The following FAT4 variants were observed in gnomAD, a reference collection of about 807,000 sequenced individuals.
The protein encoded by FAT4 is protocadherin Fat 4.
Under a neutral mutation model 303.9 loss-of-function variants are expected in FAT4, and 84 were observed. That is an observed-to-expected ratio of 0.28 (90% CI 0.23 to 0.33). The LOEUF (loss-of-function observed/expected upper bound fraction) is 0.33, where lower values mean the gene tolerates loss of function less well. FAT4 is among the 10% of genes least tolerant of loss of function. FAT4 has a pLI of 1.00. For missense variants in FAT4, 6,005 were observed against 6,146.8 expected (o/e 0.98, Z 0.77); for synonymous variants, 2,307 against 2,298.8 (o/e 1.00, Z -0.10).
At chr4:125,381,070 C>G (rs1733522166) in intron 2 of FAT4, among the ~76,000 whole-genome samples, 1 of 152,118 alleles carries the variant, frequency 6.6e-6, no homozygotes, top group South Asian at 2.1e-4. Context: ...CTCTAAGCAA[C>G]TGAAATAAAT....
intron 11 of FAT4, among the ~76,000 whole-genome samples, chr4:125,465,554 T>C (rs1726631874): frequency 1.3e-5 from 2 of 152,118 alleles, no homozygotes; most frequent in South Asian, 2.1e-4. Flanking sequence ...AGTTGCAAAT[T>C]TGGGGATTTA....
chr4:125,433,865 T>A (rs2126043640), intron 7 of FAT4, among the ~76,000 whole-genome samples: 1 of 152,312 alleles, frequency 6.6e-6, no homozygotes, highest in South Asian at 2.1e-4. Context: ...GGCCAGCTCT[T>A]CCATGCCTGT....
intron 2 of FAT4, among the ~76,000 whole-genome samples, chr4:125,360,134 C>G (rs1242608039): frequency 6.6e-6 from 1 of 152,128 alleles, no homozygotes; most frequent in African/African-American, 2.4e-5. Context: ...AATCAGGTCT[C>G]TGACATTCTA....
intron 3 of FAT4, among the ~76,000 whole-genome samples, chr4:125,405,590 A>G (rs1024198051): frequency 6.6e-6 from 1 of 151,468 alleles, no homozygotes; most frequent in Non-Finnish European, 1.5e-5. Flanking sequence ...GGCTCACTGC[A>G]AGCTCTGCCT....
At chr4:125,456,810 A>G (rs1034533836) in intron 10 of FAT4, among the ~76,000 whole-genome samples, 8 of 152,190 alleles carry the variant, frequency 5.3e-5, no homozygotes, top group African/African-American at 1.9e-4. Flanking sequence ...CAAAATTTAC[A>G]CATAACTGTA....
At chr4:125,471,023 T>C in intron 12 of FAT4, among the ~76,000 whole-genome samples, 1 of 152,210 alleles carries the variant, frequency 6.6e-6, no homozygotes, top group East Asian at 1.9e-4. Context: ...GTAGGGTTAT[T>C]CGTTGGCATA....
At chr4:125,331,177 C>T (rs1374080828) in intron 2 of FAT4, among the ~76,000 whole-genome samples, 1 of 152,108 alleles carries the variant, frequency 6.6e-6, no homozygotes, top group Non-Finnish European at 1.5e-5. Flanking sequence ...GTGTGCCTTC[C>T]CTTTAGAATA....
In FAT4 at chr4:125,434,426, G is replaced by T; in HGVS notation, c.7199+1G>T. 1 of 1,613,452 alleles carries T rather than the reference G, an allele frequency of 6.2e-7. No homozygotes were observed. Among genetic ancestry groups the T allele is most frequent in the Non-Finnish European group, 8.5e-7 (1 of 1,179,734 alleles). On this transcript the variant is annotated splice_donor_variant, in intron 8 of 17. Transcript: ENST00000394329. LOFTEE classifies it high-confidence loss of function. ...ATGCTTCAAAGAATGCAGTTATAAG[G>T]TCAGTACATTTTCCTTTGTAAAGTT...
In FAT4 at chr4:125,321,412, T is replaced by C. The variant is rs1221873531; in HGVS notation, c.5001T>C (p.Ile1667=). The C allele has an allele frequency of 1.2e-6, 2 of 1,614,030 alleles. No homozygotes were observed. The highest frequency in any genetic ancestry group is 2.2e-5 in the East Asian group (1 of 44,884). ...RGSEAPVEYY[I]VSVRCEEKTV... is the part of the protein sequence containing the mutation. ...CTGAGGCCCCAGTGGAGTATTATAT[T>C]GTTTCAGTTCGTTGTGAAGAAAAAA... is the stretch of plus-strand genomic sequence containing the variant. The change falls in exon 2 of 18, where the codon ATT becomes ATC. Residue 1667 remains isoleucine, a synonymous_variant. Transcript: ENST00000394329.
rs536367582 is a variant in FAT4, at chr4:125,432,810, T to A, written c.7019-1435T>A. On this transcript the variant is annotated intron_variant, in intron 7 of 17. Coordinates refer to ENST00000394329, the MANE Select transcript of FAT4 (RefSeq NM_001291303.3). ...TTTAAATGAAACACTTAATATAAAATATCTTATGATATATATATATATATG... is the reference window on the plus strand; with the variant it reads ...TTTAAATGAAACACTTAATATAAAAAATCTTATGATATATATATATATATG... Among the ~76,000 whole-genome samples, 30 of 18,216 alleles carry A rather than the reference T, an allele frequency of 1.6e-3. No homozygotes were observed. The East Asian group carries it at 0.045, about 27-fold the overall frequency. The allele number at this position is 18,216 out of a possible 152,430, so 12.0% of individuals were successfully genotyped here. A position where few individuals can be genotyped will look rare whatever the true frequency, so the allele number is the denominator to read the frequency against.
intron 2 of FAT4, among the ~76,000 whole-genome samples, chr4:125,326,516 A>G (rs7662295): frequency 0.51 from 76,743 of 151,822 alleles, 20,204 homozygotes; most frequent in Non-Finnish European, 0.59. Context: ...TTTTGTAGCT[A>G]TGGAAACTGA....
At chr4:125,434,517 G>T in intron 8 of FAT4, 92 bp downstream of exon 8, 1 of 1,129,392 alleles carries the variant, frequency 8.9e-7, no homozygotes, top group Non-Finnish European at 1.3e-6. Flanking sequence ...TTAAATGAAC[G>T]TCATATTAAC....
At position 125,318,567 on chromosome 4, in the gene FAT4, G is replaced by A; in HGVS notation, c.2156G>A (p.Gly719Asp). The stretch of plus-strand genomic sequence containing the variant: ...GTGTCTGCCACTGACCCAGACTTGG[G>A]TACCAATGGTACTGTCAAATATAGC... Reference protein sequence around the residue: ...TTVSATDPDLGTNGTVKYSIS... With the variant: ...TTVSATDPDLDTNGTVKYSIS... The change falls in exon 2 of 18, where the codon GGT becomes GAT. Residue 719 changes from glycine (G) to aspartate (D), a missense_variant. Physicochemically the swap from Gly to Asp is moderately conservative, Grantham distance 94. Transcript: ENST00000394329. 1 of 1,614,164 alleles carries A rather than the reference G, an allele frequency of 6.2e-7. No individual in the cohort carries two copies. Among genetic ancestry groups the A allele is most frequent in the Non-Finnish European group, 8.5e-7 (1 of 1,180,026 alleles).
At chr4:125,338,926 G>C (rs376991008) in intron 2 of FAT4, among the ~76,000 whole-genome samples, 2 of 151,904 alleles carry the variant, frequency 1.3e-5, no homozygotes, top group African/African-American at 4.8e-5. Flanking sequence ...AAAGCATGTG[G>C]ACCTTGGGCC....
chr4:125,369,739 A>C (rs967134404), intron 2 of FAT4, among the ~76,000 whole-genome samples: 4 of 152,226 alleles, frequency 2.6e-5, no homozygotes, highest in Non-Finnish European at 5.9e-5. Context: ...TGTTTCCCAA[A>C]CTGAAACTCT....
chr4:125,385,820 T>G (rs1035950915), intron 2 of FAT4, among the ~76,000 whole-genome samples: 1 of 152,220 alleles, frequency 6.6e-6, no homozygotes, highest in African/African-American at 2.4e-5. Context: ...TAAAAGTCAA[T>G]TTTTAAAAAA....
At chr4:125,422,518 G>T (rs1472803729) in intron 7 of FAT4, among the ~76,000 whole-genome samples, 3 of 152,100 alleles carry the variant, frequency 2.0e-5, no homozygotes, top group Non-Finnish European at 4.4e-5. Flanking sequence ...TTCCCCCTTT[G>T]CTCAGCACTT....
At chr4:125,388,075 A>G (rs1733829781) in intron 2 of FAT4, among the ~76,000 whole-genome samples, 1 of 152,180 alleles carries the variant, frequency 6.6e-6, no homozygotes, top group Non-Finnish European at 1.5e-5. Flanking sequence ...TCTTTCTGGT[A>G]GTAGTGGGCT....
At position 125,451,588 on chromosome 4, in the gene FAT4, C is replaced by A. The variant is rs770783630; in HGVS notation, c.10578C>A (p.Gly3526=). The A allele has an allele frequency of 2.5e-6, 4 of 1,614,136 alleles. No homozygotes were observed. Among genetic ancestry groups the A allele is most frequent in the Non-Finnish European group, 3.4e-6 (4 of 1,180,026 alleles). ...EGEVMENKRP[G]TLVMTLQSTD... Reference sequence around the variant, plus strand: ...AAGTCATGGAAAACAAACGGCCAGGCACTTTGGTGATGACCCTTCAGTCCA... The same window carrying A: ...AAGTCATGGAAAACAAACGGCCAGGAACTTTGGTGATGACCCTTCAGTCCA... The change falls in exon 10 of 18, where the codon GGC becomes GGA. Residue 3526 remains glycine, a synonymous_variant. Transcript: ENST00000394329.
Sources: gnomAD v4.1 joint callset for allele counts (sites outside exome capture counted in the v4.1 genomes callset) on GRCh38, gnomAD v4.1.1 for gene constraint, MANE v1.5 for transcripts, NCBI Gene and HGNC (gene_info 2026-07-23, HGNC 2026-07-21) for gene names.